Variants in GNAQ observed in about 807,000 individuals in gnomAD.
GNAQ encodes the protein G protein subunit alpha q, also known as guanine nucleotide-binding protein G(q) subunit alpha.
Under a neutral mutation model 43.9 loss-of-function variants are expected in GNAQ, and 8 were observed. The observed-to-expected ratio is 0.18, with a 90% CI of 0.11 to 0.33. The LOEUF (loss-of-function observed/expected upper bound fraction) is 0.33, where lower values mean the gene tolerates loss of function less well. GNAQ is among the 10% of genes least tolerant of loss of function. The probability of loss-of-function intolerance (pLI) is 1.00; values close to 1 mark genes in which losing one functional copy is unlikely to be tolerated. For missense variants in GNAQ, 158 were observed against 450.8 expected, an observed-to-expected ratio of 0.35 and a Z score of 5.88; for synonymous variants, 155 against 170.7, an observed-to-expected ratio of 0.91 and a Z score of 0.71.
intron 2 of GNAQ, among the ~76,000 whole-genome samples, chr9:77,904,348 T>G (rs1171343650): frequency 1.2e-5 from 1 of 80,852 alleles, no homozygotes; most frequent in African/African-American, 4.3e-5. Flanking sequence ...TTTTTTTTTT[T>G]GTGAGACAGA....
In GNAQ at chr9:77,872,549, T is replaced by C. The variant is rs147781851; in HGVS notation, c.321+49612A>G. ...ACTGTTCCTGCCTCCAAGAAACCCA[T>C]AATACAAACATATATTTCATAACAG... is the stretch of plus-strand genomic sequence containing the variant. On this transcript the variant is annotated intron_variant, in intron 2 of 6. Coordinates refer to ENST00000286548, the MANE Select transcript of GNAQ (RefSeq NM_002072.5). Among the ~76,000 whole-genome samples the C allele has an allele frequency of 7.9e-5, 12 of 152,298 alleles. No individual in the cohort carries two copies. In the East Asian group the frequency reaches 2.3e-3, roughly 29 times the overall value.
chr9:78,008,229 C>G (rs1448208878), intron 1 of GNAQ, among the ~76,000 whole-genome samples: 1 of 152,186 alleles, frequency 6.6e-6, no homozygotes, highest in Non-Finnish European at 1.5e-5. Context: ...CATGCTCAAA[C>G]CTTCAGTTAC....
At chr9:77,803,643 A>G (rs909910543) in intron 3 of GNAQ, among the ~76,000 whole-genome samples, 3 of 152,248 alleles carry the variant, frequency 2.0e-5, no homozygotes, top group Admixed American at 1.3e-4. Flanking sequence ...TTCATTGGAT[A>G]TGATCCTTAC....
intron 2 of GNAQ, among the ~76,000 whole-genome samples, chr9:77,887,113 C>T (rs1458494445): frequency 6.6e-6 from 1 of 151,986 alleles, no homozygotes; most frequent in Non-Finnish European, 1.5e-5. Context: ...CACAGAGAGA[C>T]TCTGTCTCTA....
In GNAQ at chr9:77,832,664, T is replaced by C. The variant is rs903229131; in HGVS notation, c.322-16894A>G. Among the ~76,000 whole-genome samples, 3 of 152,228 alleles carry C rather than the reference T, an allele frequency of 2.0e-5. No homozygotes were observed. The South Asian group carries it at 6.2e-4, about 32-fold the overall frequency. On this transcript the variant is annotated intron_variant, in intron 2 of 6. Transcript: ENST00000286548. ...GGTTAACTGAATGCATATTTCCCAG[T>C]GTATATACCAGGGATCTATGCGAAT...
At position 77,921,564 on chromosome 9, in the gene GNAQ, A is replaced by T. The variant is rs565176895; in HGVS notation, c.321+597T>A. On this transcript the variant is annotated intron_variant, in intron 2 of 6. Transcript: ENST00000286548. ...TTTTGTAAAAAGCTAAAATAATTTT[A>T]GGGTTTATTCCCCCAATCCTTTTTC... is the stretch of plus-strand genomic sequence containing the variant. Among the ~76,000 whole-genome samples, 223 of 152,356 alleles carry T rather than the reference A, an allele frequency of 1.5e-3. 1 individual carries two copies. Among genetic ancestry groups the T allele is most frequent in the African/African-American group, 5.1e-3 (214 of 41,590 alleles).
chr9:77,983,921 T>C (rs776554921), intron 1 of GNAQ, among the ~76,000 whole-genome samples: 8 of 151,970 alleles, frequency 5.3e-5, no homozygotes, highest in Admixed American at 4.6e-4. Flanking sequence ...TGTGTGGGCA[T>C]TTTGCTCAGA....
chr9:78,008,847 G>A (rs1823739974), intron 1 of GNAQ, among the ~76,000 whole-genome samples: 1 of 152,166 alleles, frequency 6.6e-6, no homozygotes, highest in Non-Finnish European at 1.5e-5. Flanking sequence ...TAGATTTCCT[G>A]ACCTCGTGAT....
chr9:77,858,211 C>A (rs1466668311), intron 2 of GNAQ, among the ~76,000 whole-genome samples: 1 of 152,170 alleles, frequency 6.6e-6, no homozygotes, highest in African/African-American at 2.4e-5. Context: ...AGTCTCCAGA[C>A]CCAGCAGCAG....
chr9:77,965,372 T>C (rs550447287), intron 1 of GNAQ, among the ~76,000 whole-genome samples: 1 of 152,050 alleles, frequency 6.6e-6, no homozygotes, highest in South Asian at 2.1e-4. Flanking sequence ...ACACCAAAAC[T>C]GAATTTCATC....
In GNAQ at chr9:78,031,239, T is replaced by C. The variant is rs967868964; in HGVS notation, c.-4A>G. On this transcript the variant is annotated 5_prime_UTR_variant, in exon 1 of 7. Transcript: ENST00000286548. The stretch of plus-strand genomic sequence containing the variant: ...CCATGATGGACTCCAGAGTCATTCT[T>C]CCAAAGTGCCTCCGCTGCAGCCCCG... 41 of 1,503,422 alleles carry C rather than the reference T, an allele frequency of 2.7e-5. No individual in the cohort carries two copies. The highest frequency in any genetic ancestry group is 4.3e-5 in the African/African-American group (3 of 69,710). The allele number at this position is 1,503,422 out of a possible 1,614,324, so 93.1% of individuals were successfully genotyped here. A position where few individuals can be genotyped will look rare whatever the true frequency, so the allele number is the denominator to read the frequency against.
chr9:77,891,615 C>T (rs1828406681), intron 2 of GNAQ, among the ~76,000 whole-genome samples: 1 of 152,164 alleles, frequency 6.6e-6, no homozygotes. Context: ...CCTGCCTTTG[C>T]CACTTCTTTG....
At chr9:77,799,114 G>C (rs907464523) in intron 3 of GNAQ, among the ~76,000 whole-genome samples, 1 of 152,168 alleles carries the variant, frequency 6.6e-6, no homozygotes, top group African/African-American at 2.4e-5. Flanking sequence ...GAATTGAGTG[G>C]TATCTTCATG....
intron 2 of GNAQ, among the ~76,000 whole-genome samples, chr9:77,914,178 G>C (rs903701322): frequency 6.6e-6 from 1 of 152,148 alleles, no homozygotes; most frequent in Admixed American, 6.6e-5. Flanking sequence ...GGAAGTATCT[G>C]CAAGATATTA....
intron 5 of GNAQ, among the ~76,000 whole-genome samples, chr9:77,761,248 C>T (rs1195416628): frequency 2.1e-5 from 3 of 139,912 alleles, no homozygotes; most frequent in African/African-American, 8.1e-5. Context: ...CTCTGCCCGG[C>T]CAGCCACCCT....
chr9:77,987,092 A>G (rs1332592836), intron 1 of GNAQ, among the ~76,000 whole-genome samples: 2 of 152,246 alleles, frequency 1.3e-5, no homozygotes, highest in African/African-American at 4.8e-5. Context: ...CTGGCATTTG[A>G]GGGCCACTTG....
intron 1 of GNAQ, among the ~76,000 whole-genome samples, chr9:77,983,807 C>T (rs1193283785): frequency 1.3e-5 from 2 of 152,002 alleles, no homozygotes; most frequent in Non-Finnish European, 2.9e-5. Context: ...CTCTATTCCA[C>T]TCTTTTAGTG....
At chr9:77,822,712 A>G (rs1432330634) in intron 2 of GNAQ, among the ~76,000 whole-genome samples, 1 of 151,982 alleles carries the variant, frequency 6.6e-6, no homozygotes, top group Non-Finnish European at 1.5e-5. Context: ...CCCATGTGAA[A>G]TCTGACCACT....
chr9:78,017,626 CA>C (rs1458065110), intron 1 of GNAQ, among the ~76,000 whole-genome samples: 1 of 152,068 alleles, frequency 6.6e-6, no homozygotes, highest in Non-Finnish European at 1.5e-5. Context: ...ATATCTAAAG[CA>C]GATCATGATT....
Sources: allele counts gnomAD v4.1 joint callset (sites outside exome capture counted in the v4.1 genomes callset), GRCh38; gene constraint gnomAD v4.1.1; transcripts MANE v1.5; gene names NCBI Gene and HGNC (gene_info 2026-07-23, HGNC 2026-07-21).